The following NR5A2 variants were observed in gnomAD, a reference collection of about 807,000 sequenced individuals.
The protein encoded by NR5A2 is CYP7A promoter-binding factor.
NR5A2 carries 26 observed loss-of-function variants against 62.7 expected under a neutral mutation model. The ratio of observed to expected loss-of-function variants is 0.41; its 90% confidence interval spans 0.30 to 0.58. NR5A2 has a LOEUF of 0.58. Among genes scored for constraint, NR5A2 ranks in the 20% least tolerant of loss-of-function variants. The pLI is 0.22. For synonymous variants in NR5A2, 246 were observed against 241.7 expected (o/e 1.02, Z -0.16); for missense variants, 541 against 669.1 (o/e 0.81, Z 2.11).
intron 7 of NR5A2, among the ~76,000 whole-genome samples, chr1:200,163,957 G>C (rs907407842): frequency 2.0e-5 from 3 of 152,042 alleles, no homozygotes; most frequent in African/African-American, 7.2e-5. Flanking sequence ...GGCCTGGTAG[G>C]ATGTCTTTGG....
rs1227347716 is a variant in NR5A2, at chr1:200,028,862, G to C, written c.64+951G>C. On this transcript the variant is annotated intron_variant, in intron 1 of 7. Transcript: ENST00000367362. ...AGTTTTTCCTCTTTTTTCCTTCCTAGTCAGCTGACTCCACAGAATGCAGTG... is the reference window on the plus strand; with the variant it reads ...AGTTTTTCCTCTTTTTTCCTTCCTACTCAGCTGACTCCACAGAATGCAGTG... Among the ~76,000 whole-genome samples the C allele has an allele frequency of 2.6e-5, 4 of 151,994 alleles. No homozygotes were observed. In the East Asian group the frequency reaches 7.7e-4, roughly 29 times the overall value.
chr1:200,073,334 ATATATTCCC>A (rs1663842064), intron 5 of NR5A2, among the ~76,000 whole-genome samples: 1 of 141,154 alleles, frequency 7.1e-6, no homozygotes, highest in Non-Finnish European at 1.5e-5. Context: ...ATATATATAT[ATATATTCCC>A]CTTTATATAT....
At chr1:200,080,698 C>A (rs1191523100) in intron 5 of NR5A2, among the ~76,000 whole-genome samples, 2 of 152,168 alleles carry the variant, frequency 1.3e-5, no homozygotes, top group African/African-American at 4.8e-5. Context: ...AAATTCTTCA[C>A]CTGGAGAAAC....
chr1:200,151,767 T>C (rs968485072), intron 7 of NR5A2, among the ~76,000 whole-genome samples: 1 of 152,244 alleles, frequency 6.6e-6, no homozygotes, highest in African/African-American at 2.4e-5. Flanking sequence ...GCATTTGTCT[T>C]CTTAAGGTCA....
intron 1 of NR5A2, among the ~76,000 whole-genome samples, chr1:200,030,712 TTTGA>T (rs1393823415): frequency 5.9e-5 from 9 of 152,238 alleles, no homozygotes; most frequent in African/African-American, 1.7e-4. Context: ...AATATTATGC[TTTGA>T]TTCATATTAA....
intron 5 of NR5A2, among the ~76,000 whole-genome samples, chr1:200,069,383 C>T (rs1663635538): frequency 6.6e-6 from 1 of 152,046 alleles, no homozygotes; most frequent in Admixed American, 6.6e-5. Flanking sequence ...GCCTCAGCCT[C>T]CTGAGTAACA....
intron 5 of NR5A2, among the ~76,000 whole-genome samples, chr1:200,088,798 G>A (rs1416592350): frequency 2.0e-5 from 3 of 152,106 alleles, no homozygotes; most frequent in Non-Finnish European, 4.4e-5. Context: ...CACTGCATTT[G>A]CACTTCTCCA....
chr1:200,040,256 T>G (rs1322792312), intron 2 of NR5A2, among the ~76,000 whole-genome samples: 1 of 152,080 alleles, frequency 6.6e-6, no homozygotes, highest in Non-Finnish European at 1.5e-5. Flanking sequence ...GAAAGGATTG[T>G]CTTAGCGCTA....
At position 200,176,350 on chromosome 1, in the gene NR5A2, A is replaced by G. The variant is rs1016879407; in HGVS notation, c.*2140A>G. 6.6e-6 allele frequency: 1 copy of G among 152,642 alleles called. No homozygotes were observed. Among genetic ancestry groups the G allele is most frequent in the Admixed American group, 6.5e-5 (1 of 15,278 alleles). The allele number at this position is 152,642 out of a possible 1,614,324, so 9.5% of individuals were successfully genotyped here. On this transcript the variant is annotated 3_prime_UTR_variant, in exon 8 of 8. Coordinates refer to ENST00000367362, the MANE Select transcript of NR5A2 (RefSeq NM_205860.3). ...ATACTCATCCACATGAAGGGTACAC[A>G]TTAGGTAAGCTGGGCGTTGACTCAT...
intron 1 of NR5A2, among the ~76,000 whole-genome samples, chr1:200,037,756 G>T (rs1571694996): frequency 6.6e-6 from 1 of 152,204 alleles, no homozygotes; most frequent in African/African-American, 2.4e-5. Flanking sequence ...TGCTACTAAA[G>T]CTGAAGTCTA....
At position 200,039,696 on chromosome 1, in the gene NR5A2, G is replaced by T. The variant is rs1459751058; in HGVS notation, c.103G>T (p.Ala35Ser). Residue 35 changes from alanine (A) to serine (S), a missense_variant, in exon 2 of 8, where the codon GCC becomes TCC. Around this residue, in one of 3 missense-constraint regions of NR5A2, gnomAD observed 108 missense variants for 103.3 expected, o/e 1.05. Coordinates refer to ENST00000367362, the MANE Select transcript of NR5A2 (RefSeq NM_205860.3). This position sits in a 1 kb window ranked among gnomAD's most constrained non-coding sequence, Gnocchi z 5.1. ...LPDRHGSPIP[A>S]RGRLVMLPKV... ...GGACCGACACGGATCCCCCATCCCC[G>T]CCCGCGGTCGCCTTGTCATGCTGCC... 2 of 1,608,636 alleles carry T rather than the reference G, an allele frequency of 1.2e-6. No individual in the cohort carries two copies. The highest frequency in any genetic ancestry group is 1.7e-6 in the Non-Finnish European group (2 of 1,177,938).
At chr1:200,093,677 C>T (rs1664924377) in intron 5 of NR5A2, among the ~76,000 whole-genome samples, 1 of 152,166 alleles carries the variant, frequency 6.6e-6, no homozygotes, top group South Asian at 2.1e-4. Flanking sequence ...AATCTAAGCA[C>T]AATGCTGTGC....
intron 5 of NR5A2, among the ~76,000 whole-genome samples, chr1:200,083,623 G>GTATA (rs998931290): frequency 6.6e-6 from 1 of 150,744 alleles, no homozygotes; most frequent in East Asian, 2.0e-4. Flanking sequence ...CACAGTTGAA[G>GTATA]TATATATATA....
At chr1:200,062,255 G>GTGTGTA (rs1176481005) in intron 5 of NR5A2, among the ~76,000 whole-genome samples, 2 of 151,850 alleles carry the variant, frequency 1.3e-5, no homozygotes, top group Non-Finnish European at 2.9e-5. Context: ...GTGTGTGTGT[G>GTGTGTA]TGTATCTGTG....
At chr1:200,123,771 T>A (rs1193737005) in intron 7 of NR5A2, among the ~76,000 whole-genome samples, 1 of 151,422 alleles carries the variant, frequency 6.6e-6, no homozygotes, top group African/African-American at 2.4e-5. Flanking sequence ...TTTTTGCTTT[T>A]ATTCCTGGCA....
At chr1:200,119,852 G>A (rs1283819975) in intron 6 of NR5A2, among the ~76,000 whole-genome samples, 2 of 151,630 alleles carry the variant, frequency 1.3e-5, no homozygotes, top group Non-Finnish European at 2.9e-5. Flanking sequence ...CAAGCGATCC[G>A]CCCACCTCGG....
At chr1:200,034,588 G>A (rs1231204133) in intron 1 of NR5A2, among the ~76,000 whole-genome samples, 1 of 130,330 alleles carries the variant, frequency 7.7e-6, no homozygotes, top group African/African-American at 2.8e-5. Context: ...GCAAGGGTGG[G>A]AGGTTGCCCG....
intron 5 of NR5A2, among the ~76,000 whole-genome samples, chr1:200,064,420 C>T (rs567497453): frequency 1.1e-4 from 17 of 152,234 alleles, no homozygotes; most frequent in South Asian, 1.0e-3. Context: ...GGGTTCAGGG[C>T]GGCATCACTA....
intron 5 of NR5A2, among the ~76,000 whole-genome samples, chr1:200,107,303 C>CTTT (rs5780011): frequency 2.7e-5 from 4 of 146,132 alleles, no homozygotes; most frequent in African/African-American, 2.5e-5. Context: ...TATTAAGTGG[C>CTTT]TTTTTTTTTT....
Sources: allele counts gnomAD v4.1 joint callset (sites outside exome capture counted in the v4.1 genomes callset), GRCh38; gene constraint gnomAD v4.1.1; regional missense constraint gnomAD v4.1.1; non-coding constraint Gnocchi (gnomAD v3.1); transcripts MANE v1.5; gene names NCBI Gene and HGNC (gene_info 2026-07-23, HGNC 2026-07-21).